PPP1R12A: variants seen among roughly 807,000 people sequenced by gnomAD.
The protein encoded by PPP1R12A is myosin binding subunit.
PPP1R12A carries 19 observed loss-of-function variants against 139.6 expected under a neutral mutation model. That is an observed-to-expected ratio of 0.14 (90% CI 0.09 to 0.20). The LOEUF (loss-of-function observed/expected upper bound fraction) is 0.20, where lower values mean the gene tolerates loss of function less well. Ranked by LOEUF, PPP1R12A falls within the 10% of genes least tolerant of loss-of-function variation. The probability of loss-of-function intolerance (pLI) is 1.00; values close to 1 mark genes in which losing one functional copy is unlikely to be tolerated. For synonymous variants in PPP1R12A, 427 were observed against 420.6 expected, an observed-to-expected ratio of 1.02 and a Z score of -0.19; for missense variants, 925 against 1,211.5, an observed-to-expected ratio of 0.76 and a Z score of 3.51.
At chr12:79,920,420 T>C (rs917994053) in intron 1 of PPP1R12A, among the ~76,000 whole-genome samples, 3 of 152,230 alleles carry the variant, frequency 2.0e-5, no homozygotes, top group Non-Finnish European at 4.4e-5. Flanking sequence ...TTTAACCTTT[T>C]GAGAAAATGC....
At chr12:79,866,279 T>A (rs1012501081) in intron 2 of PPP1R12A, among the ~76,000 whole-genome samples, 1 of 152,192 alleles carries the variant, frequency 6.6e-6, no homozygotes, top group Non-Finnish European at 1.5e-5. Context: ...TGCAGAAAAC[T>A]GAAACTAGAC....
intron 1 of PPP1R12A, among the ~76,000 whole-genome samples, chr12:79,903,958 G>C (rs1470301210): frequency 6.6e-6 from 1 of 152,046 alleles, no homozygotes; most frequent in Non-Finnish European, 1.5e-5. Flanking sequence ...CTACAATCAA[G>C]AAAGTTTACT....
At position 79,901,141 on chromosome 12, in the gene PPP1R12A, G is replaced by A. The variant is rs1232122821; in HGVS notation, c.238-28203C>T. On this transcript the variant is annotated intron_variant, in intron 1 of 24. Coordinates refer to ENST00000450142, the MANE Select transcript of PPP1R12A (RefSeq NM_002480.3). Reference sequence around the variant, plus strand: ...AACACACAATAGAGGGCTCTAGATCGGGAACCAATTAGGATAAGCTTTTTG... The same window carrying A: ...AACACACAATAGAGGGCTCTAGATCAGGAACCAATTAGGATAAGCTTTTTG... Among the ~76,000 whole-genome samples, 4 of 152,174 alleles carry A rather than the reference G, an allele frequency of 2.6e-5. No individual in the cohort carries two copies. The South Asian group carries it at 6.2e-4, about 24-fold the overall frequency.
intron 23 of PPP1R12A, chr12:79,779,303 A>T (rs1443066594): frequency 1.6e-6 from 2 of 1,288,632 alleles, no homozygotes; most frequent in Non-Finnish European, 2.0e-6. Flanking sequence ...ATGAGCTGTA[A>T]AACTGGTTAG....
At chr12:79,829,374 A>C (rs1592680122) in intron 4 of PPP1R12A, among the ~76,000 whole-genome samples, 1 of 152,194 alleles carries the variant, frequency 6.6e-6, no homozygotes. Context: ...CTAATGTATA[A>C]TCCCCCTTTA....
intron 4 of PPP1R12A, among the ~76,000 whole-genome samples, chr12:79,831,988 T>C (rs1191187359): frequency 1.3e-5 from 2 of 152,178 alleles, no homozygotes; most frequent in Non-Finnish European, 2.9e-5. Context: ...TCACAGGACA[T>C]TGTTCTTAAG....
intron 1 of PPP1R12A, among the ~76,000 whole-genome samples, chr12:79,896,071 T>C (rs999747787): frequency 2.0e-5 from 3 of 151,924 alleles, no homozygotes; most frequent in African/African-American, 2.4e-5. Flanking sequence ...GGTCATAAAG[T>C]ACAAGAAACA....
chr12:79,785,857 A>G (rs1430138454), intron 22 of PPP1R12A, among the ~76,000 whole-genome samples: 5 of 152,174 alleles, frequency 3.3e-5, no homozygotes, highest in Non-Finnish European at 7.3e-5. Context: ...TTGCTAGATC[A>G]TATGTACAAG....
chr12:79,915,643 T>C (rs1461673571), intron 1 of PPP1R12A, among the ~76,000 whole-genome samples: 7 of 152,180 alleles, frequency 4.6e-5, no homozygotes, highest in Admixed American at 3.9e-4. Flanking sequence ...TTAATACCCA[T>C]TATCTTTTCA....
intron 1 of PPP1R12A, among the ~76,000 whole-genome samples, chr12:79,880,181 A>G (rs1032875668): frequency 1.3e-5 from 2 of 152,200 alleles, no homozygotes; most frequent in Non-Finnish European, 2.9e-5. Context: ...AATAACAATG[A>G]TCACATAAGG....
intron 1 of PPP1R12A, among the ~76,000 whole-genome samples, chr12:79,924,158 A>AAATC (rs1354418715): frequency 1.7e-4 from 26 of 152,198 alleles, no homozygotes; most frequent in African/African-American, 6.0e-4. Flanking sequence ...AAATAATGGA[A>AAATC]AACACTGAGA....
chr12:79,891,039 A>T (rs1265799982), intron 1 of PPP1R12A, among the ~76,000 whole-genome samples: 2 of 152,000 alleles, frequency 1.3e-5, no homozygotes, highest in African/African-American at 4.8e-5. Context: ...TCATGTCATG[A>T]CATGGAAAGA....
At chr12:79,873,601 C>G (rs1882795201) in intron 1 of PPP1R12A, among the ~76,000 whole-genome samples, 2 of 151,712 alleles carry the variant, frequency 1.3e-5, no homozygotes, top group Non-Finnish European at 2.9e-5. Context: ...GAGTTCAAGG[C>G]TGCAATGAAC....
intron 9 of PPP1R12A, 60 bp downstream of exon 9, chr12:79,817,334 T>C: frequency 6.7e-7 from 1 of 1,487,560 alleles, no homozygotes; most frequent in Non-Finnish European, 9.2e-7. Context: ...TTTAATGAGT[T>C]AGTCCAAGTG....
At chr12:79,927,008 G>GC (rs1421538644) in intron 1 of PPP1R12A, among the ~76,000 whole-genome samples, 1 of 147,408 alleles carries the variant, frequency 6.8e-6, no homozygotes, top group African/African-American at 2.5e-5. Context: ...ACTAGCTTGG[G>GC]CAACACGGGG....
chr12:79,894,520 C>T (rs985884251), intron 1 of PPP1R12A, among the ~76,000 whole-genome samples: 16 of 152,112 alleles, frequency 1.1e-4, no homozygotes, highest in African/African-American at 3.9e-4. Context: ...ACTAAGCTAT[C>T]ATCCGAGGAT....
At chr12:79,885,682 A>C (rs1555233508) in intron 1 of PPP1R12A, among the ~76,000 whole-genome samples, 1 of 152,216 alleles carries the variant, frequency 6.6e-6, no homozygotes, top group Non-Finnish European at 1.5e-5. Context: ...GAGTTGTATA[A>C]ATGTAATTAT....
chr12:79,907,983 T>C (rs1257667677), intron 1 of PPP1R12A, among the ~76,000 whole-genome samples: 2 of 152,216 alleles, frequency 1.3e-5, no homozygotes, highest in African/African-American at 4.8e-5. Context: ...TGGTTCACAG[T>C]ACTTTTAATG....
At position 79,786,463 on chromosome 12, in the gene PPP1R12A, G is replaced by A; in HGVS notation, c.2818C>T (p.Leu940=). 1.3e-6 allele frequency: 2 copies of A among 1,549,442 alleles called. No individual in the cohort carries two copies. The highest frequency in any genetic ancestry group is 1.7e-6 in the Non-Finnish European group (2 of 1,146,140). ...GCCTTCAGCTTTTCATTTTCAGCTA[G>A]AATTTGTTCATAAAGCTATAAAAAT... ...TDFKKLYEQI[L]AENEKLKAQL... is the part of the protein sequence containing the mutation. The change falls in exon 22 of 25, where the codon CTA becomes TTA. Residue 940 remains leucine, a synonymous_variant. Coordinates refer to ENST00000450142, the MANE Select transcript of PPP1R12A (RefSeq NM_002480.3).
Sources: gnomAD v4.1 joint callset for allele counts (sites outside exome capture counted in the v4.1 genomes callset) on GRCh38, gnomAD v4.1.1 for gene constraint, MANE v1.5 for transcripts, NCBI Gene and HGNC (gene_info 2026-07-23, HGNC 2026-07-21) for gene names.